Variants in FHIT observed in about 807,000 individuals in gnomAD.
FHIT encodes the protein bis(5'-adenosyl)-triphosphatase.
FHIT carries 19 observed loss-of-function variants against 17.9 expected under a neutral mutation model. That is an observed-to-expected ratio of 1.06 (90% CI 0.74 to 1.56). The LOEUF (loss-of-function observed/expected upper bound fraction) is 1.56, where lower values mean the gene tolerates loss of function less well. Among genes scored for constraint, FHIT ranks in the 40% most tolerant of loss-of-function variants. The pLI is 0.00. For missense variants in FHIT, 248 were observed against 189.2 expected (o/e 1.31, Z -1.82); for synonymous variants, 81 against 69.7 (o/e 1.16, Z -0.81).
chr3:59,929,532 G>A (rs893977501), intron 7 of FHIT, among the ~76,000 whole-genome samples: 4 of 151,624 alleles, frequency 2.6e-5, no homozygotes, highest in African/African-American at 4.8e-5. Context: ...CACTATGCCC[G>A]GCTAATTTTT....
intron 4 of FHIT, among the ~76,000 whole-genome samples, chr3:60,555,434 C>A (rs2036709506): frequency 6.6e-6 from 1 of 152,202 alleles, no homozygotes; most frequent in African/African-American, 2.4e-5. Context: ...CTTGACTCTT[C>A]TTCCACCATC....
chr3:60,910,065 T>C (rs1301134383), intron 3 of FHIT, among the ~76,000 whole-genome samples: 1 of 152,174 alleles, frequency 6.6e-6, no homozygotes, highest in Admixed American at 6.5e-5. Flanking sequence ...TTTAATGCAC[T>C]GTCCCGCCCT....
chr3:60,832,417 G>C (rs1702364223), intron 3 of FHIT, among the ~76,000 whole-genome samples: 1 of 151,988 alleles, frequency 6.6e-6, no homozygotes, highest in Admixed American at 6.6e-5. Flanking sequence ...GATACATAAA[G>C]AACCTCCTTG....
chr3:60,260,899 T>A (rs1347524546), intron 5 of FHIT, among the ~76,000 whole-genome samples: 1 of 151,938 alleles, frequency 6.6e-6, no homozygotes, highest in African/African-American at 2.4e-5. Context: ...TAAAACACAC[T>A]CCCACCAGCG....
intron 5 of FHIT, among the ~76,000 whole-genome samples, chr3:60,124,197 C>T (rs1037803681): frequency 6.6e-6 from 1 of 150,882 alleles, no homozygotes; most frequent in African/African-American, 2.4e-5. Flanking sequence ...GGATTACAGG[C>T]ATGAACCACT....
At chr3:60,010,356 T>C (rs1055243046) in intron 7 of FHIT, among the ~76,000 whole-genome samples, 2 of 152,324 alleles carry the variant, frequency 1.3e-5, no homozygotes, top group East Asian at 3.9e-4. Context: ...AGGAATTTGG[T>C]AGCCCATATG....
intron 5 of FHIT, among the ~76,000 whole-genome samples, chr3:60,336,010 T>C (rs1021873047): frequency 2.0e-5 from 3 of 152,214 alleles, no homozygotes; most frequent in Admixed American, 6.5e-5. Context: ...TCTATCATAA[T>C]GATTATTTTT....
At chr3:61,206,200 A>T (rs1451867190) in intron 1 of FHIT, among the ~76,000 whole-genome samples, 3 of 135,018 alleles carry the variant, frequency 2.2e-5, no homozygotes, top group Non-Finnish European at 4.8e-5. Context: ...TACCAGTACC[A>T]TGCTGTTTTG....
chr3:60,099,826 T>C (rs1214898872), intron 5 of FHIT, among the ~76,000 whole-genome samples: 1 of 152,204 alleles, frequency 6.6e-6, no homozygotes, highest in Non-Finnish European at 1.5e-5. Flanking sequence ...GCATGTATAC[T>C]GGGTAAGCTT....
intron 5 of FHIT, among the ~76,000 whole-genome samples, chr3:60,424,222 T>G (rs1463003625): frequency 1.3e-5 from 2 of 152,132 alleles, no homozygotes; most frequent in Non-Finnish European, 2.9e-5. Flanking sequence ...TACACAGCTG[T>G]AAGCCAAGGT....
chr3:60,187,024 A>T (rs1346570288), intron 5 of FHIT, among the ~76,000 whole-genome samples: 1 of 152,170 alleles, frequency 6.6e-6, no homozygotes, highest in Non-Finnish European at 1.5e-5. Flanking sequence ...ATCAAAACTG[A>T]AATAGCTCGT....
intron 4 of FHIT, among the ~76,000 whole-genome samples, chr3:60,689,119 G>T (rs1353858104): frequency 1.3e-5 from 2 of 152,134 alleles, no homozygotes; most frequent in South Asian, 2.1e-4. Context: ...TTAAAAACAG[G>T]AGTTTCCCTG....
At chr3:60,951,587 C>T (rs986388564) in intron 3 of FHIT, among the ~76,000 whole-genome samples, 1 of 152,202 alleles carries the variant, frequency 6.6e-6, no homozygotes, top group African/African-American at 2.4e-5. Flanking sequence ...ACCTAACGAC[C>T]TTCATCACCC....
At chr3:60,190,488 C>T (rs958555158) in intron 5 of FHIT, among the ~76,000 whole-genome samples, 2 of 152,074 alleles carry the variant, frequency 1.3e-5, no homozygotes, top group Non-Finnish European at 2.9e-5. Flanking sequence ...GTGGCTCACA[C>T]CTGTAATCCC....
intron 5 of FHIT, among the ~76,000 whole-genome samples, chr3:60,094,469 C>T (rs1459703375): frequency 6.6e-6 from 1 of 152,130 alleles, no homozygotes; most frequent in East Asian, 1.9e-4. Flanking sequence ...GGCAATACAT[C>T]TGATACAGAA....
At chr3:60,001,128 T>C (rs1016758134) in intron 7 of FHIT, among the ~76,000 whole-genome samples, 1 of 152,210 alleles carries the variant, frequency 6.6e-6, no homozygotes, top group Admixed American at 6.5e-5. Context: ...TTTCTAGTAT[T>C]AACCCAAATC....
At chr3:60,448,838 T>A (rs1401509980) in intron 5 of FHIT, among the ~76,000 whole-genome samples, 3 of 152,188 alleles carry the variant, frequency 2.0e-5, no homozygotes, top group Non-Finnish European at 2.9e-5. Context: ...GAAATCTTTA[T>A]AGCTAGTTGA....
At chr3:60,264,351 C>G (rs1559772006) in intron 5 of FHIT, among the ~76,000 whole-genome samples, 1 of 150,450 alleles carries the variant, frequency 6.6e-6, no homozygotes, top group Admixed American at 6.7e-5. Flanking sequence ...ACTGATAAAG[C>G]CTTCCTACCA....
chr3:60,889,303 C>A (rs1404084899), intron 3 of FHIT, among the ~76,000 whole-genome samples: 1 of 152,192 alleles, frequency 6.6e-6, no homozygotes, highest in Non-Finnish European at 1.5e-5. Flanking sequence ...GATAAGAACA[C>A]CTTCCCCTCC....
Sources: gnomAD v4.1 joint callset for allele counts (sites outside exome capture counted in the v4.1 genomes callset) on GRCh38, gnomAD v4.1.1 for gene constraint, MANE v1.5 for transcripts, NCBI Gene and HGNC (gene_info 2026-07-23, HGNC 2026-07-21) for gene names.